HDGF: variants seen among roughly 807,000 people sequenced by gnomAD.
HDGF encodes the protein hepatoma-derived growth factor.
A neutral mutation model predicts 30.0 loss-of-function variants in HDGF; 5 were observed. The observed-to-expected ratio is 0.17, with a 90% CI of 0.09 to 0.35. The LOEUF (loss-of-function observed/expected upper bound fraction) is 0.35. HDGF is among the 10% of genes least tolerant of loss of function. The pLI is 1.00. For synonymous variants in HDGF, 133 were observed against 112.7 expected (o/e 1.18, Z -1.14); for missense variants, 214 against 302.8 (o/e 0.71, Z 2.18).
intron 1 of HDGF, among the ~76,000 whole-genome samples, chr1:156,762,646 G>A (rs1328709589): frequency 6.6e-6 from 1 of 152,018 alleles, no homozygotes; most frequent in African/African-American, 2.4e-5. Flanking sequence ...TGAGGTAGTC[G>A]GATCACCTGA....
chr1:156,754,845 G>A (rs1201010834), upstream of HDGF, among the ~76,000 whole-genome samples: 1 of 152,236 alleles, frequency 6.6e-6, no homozygotes, highest in African/African-American at 2.4e-5. Context: ...CTACTTGGGA[G>A]GCTGAGGCAG....
In HDGF at chr1:156,751,240, T is replaced by A. The variant is rs12030654; in HGVS notation, c.87+103A>T. 0.31 allele frequency: 421,359 copies of A among 1,357,944 alleles called. 68,881 individuals carry two copies. Among genetic ancestry groups the A allele is most frequent in the Non-Finnish European group, 0.34 (348,730 of 1,034,018 alleles). 84.1% of individuals were successfully genotyped at this position (1,357,944 alleles called of 1,614,324 possible). Reference sequence around the variant, plus strand: ...AAGAGCCGGAGACCTACAAGCCCCCTGCCCCCACCTCTGCCCGCTCCGCGC... The same window carrying A: ...AAGAGCCGGAGACCTACAAGCCCCCAGCCCCCACCTCTGCCCGCTCCGCGC... On this transcript the variant is annotated intron_variant, in intron 1 of 5. Transcript: ENST00000357325. This position sits in a 1 kb window ranked among gnomAD's most constrained non-coding sequence, Gnocchi z 4.7.
chr1:156,764,576 T>G (rs1477896143), intron 1 of HDGF, among the ~76,000 whole-genome samples: 1 of 151,998 alleles, frequency 6.6e-6, no homozygotes, highest in African/African-American at 2.4e-5. Flanking sequence ...TTCATGAAGT[T>G]TCTATTATCA....
rs1650199865 is a variant in HDGF, at chr1:156,742,538, A to G, written c.*911T>C. The G allele has an allele frequency of 6.6e-6, 1 of 152,610 alleles. No individual in the cohort carries two copies. Among genetic ancestry groups the G allele is most frequent in the East Asian group, 1.9e-4 (1 of 5,188 alleles). 9.5% of individuals were successfully genotyped at this position (152,610 alleles called of 1,614,324 possible). A position where few individuals can be genotyped will look rare whatever the true frequency, so the allele number is the denominator to read the frequency against. On this transcript the variant is annotated 3_prime_UTR_variant, in exon 6 of 6. Coordinates refer to ENST00000357325, the MANE Select transcript of HDGF (RefSeq NM_004494.3). ...GGGGTCTTTAAAATTTTTTTTTGTAATTTTCTTTTATTAAAAACATTTCCT... is the reference window on the plus strand; with the variant it reads ...GGGGTCTTTAAAATTTTTTTTTGTAGTTTTCTTTTATTAAAAACATTTCCT...
upstream of HDGF, chr1:156,751,906 G>T (rs970143832): frequency 2.0e-6 from 2 of 1,019,818 alleles, no homozygotes; most frequent in African/African-American, 1.7e-5. The surrounding 1 kb of genome is among the most constrained non-coding windows in gnomAD (Gnocchi z 4.7). Flanking sequence ...CAGGCATAAG[G>T]AGCCGATCGC....
chr1:156,749,433 C>T (rs1358502840), intron 1 of HDGF, among the ~76,000 whole-genome samples: 1 of 152,202 alleles, frequency 6.6e-6, no homozygotes, highest in Non-Finnish European at 1.5e-5. Flanking sequence ...AGGTAACAGC[C>T]TTGGGTGTAG....
intron 1 of HDGF, among the ~76,000 whole-genome samples, chr1:156,763,830 C>T (rs1406661005): frequency 6.6e-6 from 1 of 152,156 alleles, no homozygotes; most frequent in East Asian, 1.9e-4. Flanking sequence ...TCAGGCAATC[C>T]ACCTGCCTTG....
chr1:156,761,723 G>A lies in HDGF; in HGVS notation n.137-2504C>T, dbSNP rs538795406. ...AGCACTTTGGGAGGCTGAGGCGGGC[G>A]GATCTTGAGGTCAAGAGATCGAGAC... On this transcript the variant is annotated intron_variant and non_coding_transcript_variant, in intron 1 of 7. Coordinates refer to the HDGF transcript ENST00000465180. Among the ~76,000 whole-genome samples the A allele has an allele frequency of 5.9e-5, 9 of 151,824 alleles. No individual in the cohort carries two copies. In the South Asian group the frequency reaches 8.3e-4, roughly 14 times the overall value.
Position 156,763,045 on chromosome 1 carries a change from C to T in HDGF, n.136+3745G>A, listed in dbSNP as rs150199690. Among the ~76,000 whole-genome samples, 54 of 152,284 alleles carry T rather than the reference C, an allele frequency of 3.5e-4. No homozygotes were observed. The East Asian group carries it at 0.01, about 28-fold the overall frequency. ...AATTACCTATGGTGCATCTCTTTTC[C>T]ACCTTCCAAAATGTTGTTACTGTGT... On this transcript the variant is annotated intron_variant and non_coding_transcript_variant, in intron 1 of 7. Transcript: ENST00000465180.
chr1:156,764,239 T>C (rs1488063530), intron 1 of HDGF, among the ~76,000 whole-genome samples: 1 of 148,702 alleles, frequency 6.7e-6, no homozygotes, highest in Admixed American at 6.7e-5. Flanking sequence ...TTTTTTTCTT[T>C]TCTTTTGAGA....
At chr1:156,760,803 T>G (rs1435422590) in intron 1 of HDGF, among the ~76,000 whole-genome samples, 3 of 152,112 alleles carry the variant, frequency 2.0e-5, no homozygotes, top group Non-Finnish European at 2.9e-5. Context: ...TCTCCAAATT[T>G]TATCCTTCCC....
At chr1:156,759,398 G>A (rs1426218290) in intron 1 of HDGF, among the ~76,000 whole-genome samples, 6 of 151,196 alleles carry the variant, frequency 4.0e-5, no homozygotes, top group Admixed American at 6.6e-5. Flanking sequence ...GTGACACACC[G>A]TATACACTTT....
upstream of HDGF, chr1:156,751,993 G>A (rs1422177412): frequency 6.5e-7 from 1 of 1,529,480 alleles, no homozygotes; most frequent in Admixed American, 2.0e-5. The surrounding 1 kb of genome is among the most constrained non-coding windows in gnomAD (Gnocchi z 4.7). Context: ...CGCCCGGCTG[G>A]ACGGAGCGGC....
upstream of HDGF, among the ~76,000 whole-genome samples, chr1:156,753,632 C>T (rs1460658169): frequency 6.6e-6 from 1 of 152,192 alleles, no homozygotes; most frequent in Non-Finnish European, 1.5e-5. Context: ...CTCACTGCAA[C>T]CTCTGCCTCC....
upstream of HDGF, chr1:156,751,860 G>T: frequency 4.4e-6 from 4 of 901,122 alleles, no homozygotes; most frequent in Non-Finnish European, 6.0e-6. This position sits in a 1 kb window ranked among gnomAD's most constrained non-coding sequence, Gnocchi z 4.7. Flanking sequence ...ACGGCCCAAC[G>T]CCCAACCCGG....
At chr1:156,757,700 C>T (rs1478492795) in intron 2 of HDGF, among the ~76,000 whole-genome samples, 7 of 143,682 alleles carry the variant, frequency 4.9e-5, no homozygotes, top group South Asian at 2.2e-4. Flanking sequence ...GGCTGAGGCC[C>T]GATAATCACT....
intron 1 of HDGF, among the ~76,000 whole-genome samples, chr1:156,747,106 C>A (rs534592956): frequency 1.3e-5 from 2 of 151,882 alleles, no homozygotes; most frequent in Non-Finnish European, 2.9e-5. Flanking sequence ...TTCCCACAAC[C>A]AGGAGACGCT....
upstream of HDGF, among the ~76,000 whole-genome samples, chr1:156,754,944 G>A (rs530416086): frequency 2.1e-4 from 32 of 152,222 alleles, no homozygotes; most frequent in East Asian, 4.1e-3. Flanking sequence ...GTGAACCTCC[G>A]TCTCAAAAAC....
At chr1:156,756,499 T>A (rs144783184), upstream of HDGF, among the ~76,000 whole-genome samples, 874 of 152,284 alleles carry the variant, frequency 5.7e-3, 5 homozygotes, top group Middle Eastern at 0.024. Flanking sequence ...TAGGTTTGAA[T>A]CCCAGCTATA....
Sources: allele counts gnomAD v4.1 joint callset (sites outside exome capture counted in the v4.1 genomes callset), GRCh38; gene constraint gnomAD v4.1.1; non-coding constraint Gnocchi (gnomAD v3.1); transcripts MANE v1.5; gene names NCBI Gene and HGNC (gene_info 2026-07-23, HGNC 2026-07-21).